Variants in LRPPRC observed in about 807,000 individuals in gnomAD.
LRPPRC encodes the protein leucine rich pentatricopeptide repeat containing, also known as leucine-rich PPR motif-containing protein, mitochondrial.
Under a neutral mutation model 180.3 loss-of-function variants are expected in LRPPRC, and 120 were observed. The observed-to-expected ratio is 0.67, with a 90% CI of 0.57 to 0.77. The LOEUF (loss-of-function observed/expected upper bound fraction) is 0.77. Ranked by LOEUF, LRPPRC falls within the 30% of genes least tolerant of loss-of-function variation. The pLI, the probability that LRPPRC is intolerant of heterozygous loss-of-function variation, is 0.00. For synonymous variants in LRPPRC, 723 were observed against 600.0 expected (o/e 1.21, Z -3.00); for missense variants, 2,012 against 1,657.2 (o/e 1.21, Z -3.72).
intron 36 of LRPPRC, among the ~76,000 whole-genome samples, chr2:43,891,012 A>G (rs1160086000): frequency 4.6e-5 from 7 of 152,248 alleles, no homozygotes; most frequent in Non-Finnish European, 8.8e-5. Context: ...GGAACCCCTA[A>G]GACAGAGGTG....
At chr2:43,951,600 G>A (rs1190957935) in intron 14 of LRPPRC, among the ~76,000 whole-genome samples, 4 of 152,108 alleles carry the variant, frequency 2.6e-5, no homozygotes, top group Non-Finnish European at 4.4e-5. Context: ...GTATTTATGG[G>A]TAGATGACAA....
chr2:43,990,083 G>C (rs1436465529), intron 1 of LRPPRC, among the ~76,000 whole-genome samples: 1 of 152,110 alleles, frequency 6.6e-6, no homozygotes. Context: ...GCCAGGCATG[G>C]TGGCATGCGC....
intron 25 of LRPPRC, among the ~76,000 whole-genome samples, chr2:43,931,335 G>T (rs540273375): frequency 3.3e-5 from 5 of 152,112 alleles, no homozygotes; most frequent in African/African-American, 1.2e-4. Context: ...GAGACAGAAG[G>T]GTTGACCTCT....
chr2:43,974,617 G>T lies in LRPPRC; in HGVS notation c.1006C>A (p.Pro336Thr). 1 of 1,576,584 alleles carries T rather than the reference G, an allele frequency of 6.3e-7. No individual in the cohort carries two copies. The highest frequency in any genetic ancestry group is 8.7e-7 in the Non-Finnish European group (1 of 1,147,118). Residue 336 changes from proline (P) to threonine (T), a missense_variant, in exon 8 of 38, where the codon CCA becomes ACA. Pro to Thr is a conservative substitution (Grantham distance 38, BLOSUM62 -1). Coordinates refer to ENST00000260665, the MANE Select transcript of LRPPRC (RefSeq NM_133259.4). The stretch of plus-strand genomic sequence containing the variant: ...AAATAGATTTTTTTAAAACTACCTG[G>T]AATATATCTTCTTTCACATGTAACT... ...EKVTCERRYI[P>T]DAMNLILLLV...
intron 11 of LRPPRC, among the ~76,000 whole-genome samples, chr2:43,970,505 T>G (rs1673756424): frequency 6.6e-6 from 1 of 152,186 alleles, no homozygotes; most frequent in Non-Finnish European, 1.5e-5. Flanking sequence ...AGAAAAAGAT[T>G]AAAATAATCT....
At chr2:43,899,106 C>G in intron 34 of LRPPRC, 113 bp downstream of exon 34, 1 of 748,932 alleles carries the variant, frequency 1.3e-6, no homozygotes. Context: ...AACAAGCTAG[C>G]TGCACACCAC....
chr2:43,974,273 A>C lies in LRPPRC; in HGVS notation c.1032T>G (p.Leu344=). 1.2e-6 allele frequency: 2 copies of C among 1,612,210 alleles called. No individual in the cohort carries two copies. The highest frequency in any genetic ancestry group is 2.2e-5 in the East Asian group (1 of 44,864). The change falls in exon 9 of 38, where the codon CTT becomes CTG. Residue 344 remains leucine (L), a synonymous_variant. Coordinates refer to ENST00000260665, the MANE Select transcript of LRPPRC (RefSeq NM_133259.4). ...CATCTTCCAATTTTTCAGTGACTAA[A>C]AGTAAAATGAGGTTCATTGCATCTG... ...YIPDAMNLIL[L]LVTEKLEDVA...
intron 37 of LRPPRC, among the ~76,000 whole-genome samples, chr2:43,888,902 A>ATG (rs942828213): frequency 2.9e-5 from 4 of 139,790 alleles, no homozygotes; most frequent in Non-Finnish European, 6.7e-5. Flanking sequence ...ATGTGCAAGC[A>ATG]TGTGTGTGTG....
intron 11 of LRPPRC, among the ~76,000 whole-genome samples, chr2:43,970,515 T>C (rs968980720): frequency 2.6e-5 from 4 of 152,172 alleles, no homozygotes; most frequent in Non-Finnish European, 5.9e-5. Flanking sequence ...TAAAATAATC[T>C]TACATTAACT....
intron 34 of LRPPRC, among the ~76,000 whole-genome samples, chr2:43,897,072 C>G (rs1670713661): frequency 6.6e-6 from 1 of 152,160 alleles, no homozygotes; most frequent in Admixed American, 6.5e-5. Context: ...AGCTAGGGAT[C>G]ATAAGGTTAA....
chr2:43,987,968 G>A (rs1477194713), intron 1 of LRPPRC, among the ~76,000 whole-genome samples: 1 of 152,072 alleles, frequency 6.6e-6, no homozygotes, highest in Non-Finnish European at 1.5e-5. Flanking sequence ...AACGGGCCAG[G>A]CACGGTAGCT....
intron 11 of LRPPRC, among the ~76,000 whole-genome samples, chr2:43,967,438 C>G (rs1399516301): frequency 4.6e-5 from 7 of 152,108 alleles, no homozygotes; most frequent in Admixed American, 1.3e-4. Flanking sequence ...ATTATTAATC[C>G]TTCATACCTC....
intron 14 of LRPPRC, among the ~76,000 whole-genome samples, 166 bp from the exon 15 acceptor site, chr2:43,950,766 C>G (rs1436027717): frequency 6.6e-6 from 1 of 152,208 alleles, no homozygotes; most frequent in Non-Finnish European, 1.5e-5. Flanking sequence ...CTGACACTCA[C>G]CCACCTCAAA....
intron 1 of LRPPRC, among the ~76,000 whole-genome samples, chr2:43,983,907 T>G (rs1357031763): frequency 6.6e-6 from 1 of 152,090 alleles, no homozygotes; most frequent in Non-Finnish European, 1.5e-5. Flanking sequence ...ACTCTAACCA[T>G]TAGTGATTCC....
In LRPPRC at chr2:43,946,110, C is replaced by G; in HGVS notation, c.2210+3G>C. 1.2e-6 allele frequency: 2 copies of G among 1,612,452 alleles called. No homozygotes were observed. The highest frequency in any genetic ancestry group is 1.7e-5 in the Admixed American group (1 of 59,986). On this transcript the variant is annotated splice_donor_region_variant and intron_variant, in intron 21 of 37. Transcript: ENST00000260665. ...CAACTTGTTTCAGTGCCAGGGTACTCACAATTCTTCTTTCAAGTTCAAGGC... is the reference window on the plus strand; with the variant it reads ...CAACTTGTTTCAGTGCCAGGGTACTGACAATTCTTCTTTCAAGTTCAAGGC...
At position 43,918,027 on chromosome 2, in the gene LRPPRC, T is replaced by C. The variant is rs1247938732; in HGVS notation, c.3146A>G (p.Lys1049Arg). ...ILIACRLNQK[K>R]GAYDIFLNAK... Reference sequence around the variant, plus strand: ...CCCCCATCCCCGTATGTGCTTGCCTTTTTTTTGGTTCAATCGGCAGGCAAT... The same window carrying C: ...CCCCCATCCCCGTATGTGCTTGCCTCTTTTTTGGTTCAATCGGCAGGCAAT... The change falls in exon 29 of 38, where the codon AAA becomes AGA. Residue 1049 changes from lysine (K) to arginine (R), a missense_variant and splice_region_variant. By Grantham distance (26) the Lys-to-Arg change is conservative. Transcript: ENST00000260665. The C allele has an allele frequency of 6.3e-7, 1 of 1,594,840 alleles. No homozygotes were observed. Among genetic ancestry groups the C allele is most frequent in the South Asian group, 1.1e-5 (1 of 90,594 alleles).
At chr2:43,950,546 A>G in intron 15 of LRPPRC, 27 bp downstream of exon 15, 2 of 1,595,058 alleles carry the variant, frequency 1.3e-6, no homozygotes, top group South Asian at 2.2e-5. Flanking sequence ...AAAGCACCTT[A>G]TGATTTGCAA....
intron 25 of LRPPRC, among the ~76,000 whole-genome samples, chr2:43,932,123 CA>C (rs746600862): frequency 0.013 from 272 of 20,798 alleles, 1 homozygote; most frequent in African/African-American, 0.045. Context: ...GACCCTGTCT[CA>C]AAAAAAAAAA....
At chr2:43,993,161 A>T (rs1043240310) in intron 1 of LRPPRC, among the ~76,000 whole-genome samples, 30 of 152,232 alleles carry the variant, frequency 2.0e-4, no homozygotes, top group African/African-American at 7.2e-4. Context: ...AGGCCTAAAA[A>T]GTGGATTTGG....
Sources: gnomAD v4.1 joint callset for allele counts (sites outside exome capture counted in the v4.1 genomes callset) on GRCh38, gnomAD v4.1.1 for gene constraint, MANE v1.5 for transcripts, NCBI Gene and HGNC (gene_info 2026-07-23, HGNC 2026-07-21) for gene names.